KCNIP4: variants seen among roughly 807,000 people sequenced by gnomAD.
KCNIP4 encodes potassium voltage-gated channel interacting protein 4.
Under a neutral mutation model 34.0 loss-of-function variants are expected in KCNIP4, and 12 were observed. The observed-to-expected ratio is 0.35, with a 90% CI of 0.23 to 0.57. KCNIP4 has a LOEUF of 0.57. Ranked by LOEUF, KCNIP4 falls within the 20% of genes least tolerant of loss-of-function variation. KCNIP4 has a pLI of 0.83. For synonymous variants in KCNIP4, 124 were observed against 102.2 expected (o/e 1.21, Z -1.29); for missense variants, 238 against 311.7 (o/e 0.76, Z 1.78).
intron 1 of KCNIP4, among the ~76,000 whole-genome samples, chr4:20,993,348 G>A (rs1737255109): frequency 6.6e-6 from 1 of 152,210 alleles, no homozygotes. Flanking sequence ...AACTGGTCAT[G>A]AAGGCCAGGA....
intron 1 of KCNIP4, among the ~76,000 whole-genome samples, chr4:21,008,508 C>T (rs1738761366): frequency 6.8e-6 from 1 of 146,978 alleles, no homozygotes; most frequent in Non-Finnish European, 1.5e-5. Flanking sequence ...CAGCTATGGG[C>T]ATTTTCTTTT....
intron 1 of KCNIP4, among the ~76,000 whole-genome samples, chr4:21,540,745 T>C (rs923189094): frequency 2.0e-5 from 3 of 152,156 alleles, no homozygotes; most frequent in Non-Finnish European, 4.4e-5. Context: ...AGAATACATA[T>C]TATCACCTCA....
At chr4:21,009,374 G>C (rs1738867622) in intron 1 of KCNIP4, among the ~76,000 whole-genome samples, 1 of 152,176 alleles carries the variant, frequency 6.6e-6, no homozygotes, top group Admixed American at 6.5e-5. Flanking sequence ...CATTATGAAC[G>C]AAATAATTAT....
Position 21,371,237 on chromosome 4 carries a change from G to A in KCNIP4, c.62-488528C>T, listed in dbSNP as rs1480289528. ...GAAATATTCCAATAAGTTTCACCAG[G>A]AAAGTGAAACTTCTGCTGAGCTTTG... On this transcript the variant is annotated intron_variant, in intron 1 of 8. Transcript: ENST00000382152. Among the ~76,000 whole-genome samples the A allele has an allele frequency of 5.5e-5, 8 of 146,088 alleles. 2 individuals carry two copies. The East Asian group carries it at 6.1e-4, about 11-fold the overall frequency.
At chr4:21,946,503 C>T (rs1730518346) in intron 1 of KCNIP4, among the ~76,000 whole-genome samples, 1 of 152,190 alleles carries the variant, frequency 6.6e-6, no homozygotes, top group African/African-American at 2.4e-5. Context: ...ATCATCCCTT[C>T]TCATCCCAGG....
chr4:21,350,912 G>A (rs1717945708), intron 1 of KCNIP4, among the ~76,000 whole-genome samples: 1 of 152,138 alleles, frequency 6.6e-6, no homozygotes, highest in South Asian at 2.1e-4. Flanking sequence ...AGAAGAAACT[G>A]TTATATCTTA....
Position 21,019,920 on chromosome 4 carries a change from T to C in KCNIP4, c.62-137211A>G, listed in dbSNP as rs139513109. ...TCATGTTTATGATATGACAGTTCTA[T>C]GATTCTGAGCCTGGCATATTTATTT... On this transcript the variant is annotated intron_variant, in intron 1 of 8. Coordinates refer to ENST00000382152, the MANE Select transcript of KCNIP4 (RefSeq NM_025221.6). Among the ~76,000 whole-genome samples, 847 of 152,288 alleles carry C rather than the reference T, an allele frequency of 5.6e-3. 9 individuals are homozygous for C. The highest frequency in any genetic ancestry group is 0.019 in the African/African-American group (802 of 41,558).
chr4:21,061,525 A>C (rs1743915130), intron 1 of KCNIP4, among the ~76,000 whole-genome samples: 1 of 152,168 alleles, frequency 6.6e-6, no homozygotes, highest in South Asian at 2.1e-4. Context: ...GATGAGAATC[A>C]CACCTTAATA....
rs374527291 is a variant in KCNIP4 at position 21,905,264 on chromosome 4, T to G, written c.61+43307A>C. On this transcript the variant is annotated intron_variant, in intron 1 of 8. Transcript: ENST00000382152. ...CCTAGTTGGTGCCATGCTGTGTCTG[T>G]GTCTCTTAAAGCAAGGTTACATCAT... 2.6e-5 allele frequency among the ~76,000 whole-genome samples: 4 copies of G among 152,240 alleles called. No homozygotes were observed. The East Asian group carries it at 7.7e-4, about 29-fold the overall frequency.
chr4:21,659,073 C>A (rs531974973), intron 1 of KCNIP4, among the ~76,000 whole-genome samples: 2 of 152,202 alleles, frequency 1.3e-5, no homozygotes, highest in East Asian at 3.9e-4. Flanking sequence ...AGATCAGCCA[C>A]CTGTAGAAAA....
chr4:21,064,568 A>G (rs1279380759), intron 1 of KCNIP4, among the ~76,000 whole-genome samples: 1 of 152,200 alleles, frequency 6.6e-6, no homozygotes, highest in East Asian at 1.9e-4. Context: ...GCTATAAAAT[A>G]GGACCATTGG....
intron 1 of KCNIP4, among the ~76,000 whole-genome samples, chr4:21,114,487 C>A (rs894705466): frequency 2.0e-5 from 3 of 151,996 alleles, no homozygotes; most frequent in Non-Finnish European, 2.9e-5. Flanking sequence ...ACTATCTTCA[C>A]TTTTCTTAAA....
intron 1 of KCNIP4, among the ~76,000 whole-genome samples, chr4:20,988,752 G>T (rs1037239608): frequency 6.6e-6 from 1 of 152,158 alleles, no homozygotes; most frequent in East Asian, 1.9e-4. Context: ...TTGGCATAAG[G>T]GTTATTTTCG....
intron 3 of KCNIP4, among the ~76,000 whole-genome samples, chr4:20,808,766 A>G (rs1715382896): frequency 6.6e-6 from 1 of 152,186 alleles, no homozygotes; most frequent in African/African-American, 2.4e-5. Flanking sequence ...TCTGGGTTCT[A>G]TTAAATAGGT....
chr4:21,120,584 C>A (rs1043142029), intron 1 of KCNIP4, among the ~76,000 whole-genome samples: 1 of 152,190 alleles, frequency 6.6e-6, no homozygotes, highest in Non-Finnish European at 1.5e-5. Flanking sequence ...TACGTGGTGA[C>A]AGGTGAGAGT....
At chr4:21,942,861 G>A (rs758938507) in intron 1 of KCNIP4, among the ~76,000 whole-genome samples, 3 of 152,104 alleles carry the variant, frequency 2.0e-5, no homozygotes, top group South Asian at 2.1e-4. Flanking sequence ...GGGTTCAAGC[G>A]ATTCTCCCTG....
intron 1 of KCNIP4, among the ~76,000 whole-genome samples, chr4:21,248,240 A>AT (rs1215729760): frequency 3.3e-4 from 50 of 149,670 alleles, no homozygotes; most frequent in East Asian, 2.8e-3. Flanking sequence ...ACCAGATTTG[A>AT]TTTTTTTTTT....
At chr4:20,899,118 C>T (rs1034415491) in intron 1 of KCNIP4, among the ~76,000 whole-genome samples, 1 of 152,252 alleles carries the variant, frequency 6.6e-6, no homozygotes, top group African/African-American at 2.4e-5. Flanking sequence ...GTTAACTGTA[C>T]ATGTTGATGT....
chr4:20,839,152 G>T (rs866635672), intron 3 of KCNIP4, among the ~76,000 whole-genome samples: 1 of 151,974 alleles, frequency 6.6e-6, no homozygotes, highest in African/African-American at 2.4e-5. Context: ...TTTTTTTAGG[G>T]AGGTGACTCT....
Sources: gnomAD v4.1 joint callset for allele counts (sites outside exome capture counted in the v4.1 genomes callset) on GRCh38, gnomAD v4.1.1 for gene constraint, MANE v1.5 for transcripts, NCBI Gene and HGNC (gene_info 2026-07-23, HGNC 2026-07-21) for gene names.